UNC13C: variants seen among roughly 807,000 people sequenced by gnomAD.
UNC13C encodes protein unc-13 homolog C.
A neutral mutation model predicts 245.4 loss-of-function variants in UNC13C; 174 were observed. The ratio of observed to expected loss-of-function variants is 0.71; its 90% CI spans 0.63 to 0.80. The LOEUF is 0.80. Among genes scored for constraint, UNC13C ranks in the 30% least tolerant of loss-of-function variants. The pLI, the probability that UNC13C is intolerant of heterozygous loss-of-function variation, is 0.00. For synonymous variants in UNC13C, 992 were observed against 895.1 expected (o/e 1.11, Z -1.93); for missense variants, 2,829 against 2,602.9 (o/e 1.09, Z -1.89).
intron 4 of UNC13C, among the ~76,000 whole-genome samples, chr15:54,172,178 T>C (rs900828241): frequency 6.6e-6 from 1 of 151,954 alleles, no homozygotes; most frequent in African/African-American, 2.4e-5. Context: ...AGGAATAAGA[T>C]GTAGTATTTG....
chr15:54,507,250 A>G (rs1894514852), intron 23 of UNC13C, 56 bp downstream of exon 23: 1 of 1,134,968 alleles, frequency 8.8e-7, no homozygotes, highest in African/African-American at 1.5e-5. Context: ...TTACTTCTTC[A>G]AAGTATGAGT....
At chr15:54,318,714 C>T (rs2038073200) in intron 13 of UNC13C, among the ~76,000 whole-genome samples, 1 of 151,870 alleles carries the variant, frequency 6.6e-6, no homozygotes, top group African/African-American at 2.4e-5. Context: ...GTTATCTCTT[C>T]ACTCTCTTGA....
intron 24 of UNC13C, among the ~76,000 whole-genome samples, chr15:54,520,369 A>G (rs62022400): frequency 0.1 from 15,370 of 152,204 alleles, 1,147 homozygotes; most frequent in African/African-American, 0.19. Flanking sequence ...AATTAAGAAT[A>G]GTAATAAGTT....
intron 19 of UNC13C, among the ~76,000 whole-genome samples, chr15:54,443,654 C>T (rs1341744320): frequency 6.6e-6 from 1 of 151,972 alleles, no homozygotes; most frequent in Non-Finnish European, 1.5e-5. Flanking sequence ...TGGATTGCTT[C>T]ATTGACCCAA....
At position 54,532,694 on chromosome 15, in the gene UNC13C, T is replaced by A. The variant is rs1370463303; in HGVS notation, c.5547-223T>A. Among the ~76,000 whole-genome samples the A allele has an allele frequency of 1.4e-4, 21 of 152,298 alleles. No homozygotes were observed. The East Asian group carries it at 3.9e-3, about 28-fold the overall frequency. On this transcript the variant is annotated intron_variant, in intron 25 of 32. Transcript: ENST00000260323. Reference sequence around the variant, plus strand: ...GGGACTGAATGAACCTCCACTCAAATTAATTCAACCTGAAGAACAGCACTT... The same window carrying A: ...GGGACTGAATGAACCTCCACTCAAAATAATTCAACCTGAAGAACAGCACTT...
chr15:54,196,854 G>A (rs1205066944), intron 4 of UNC13C, among the ~76,000 whole-genome samples: 2 of 152,026 alleles, frequency 1.3e-5, no homozygotes, highest in African/African-American at 4.8e-5. Flanking sequence ...AAAACCTAAA[G>A]GAACAGTCAT....
intron 14 of UNC13C, among the ~76,000 whole-genome samples, chr15:54,326,640 G>A (rs1029847444): frequency 6.6e-6 from 1 of 151,998 alleles, no homozygotes; most frequent in African/African-American, 2.4e-5. Flanking sequence ...AGAGAAGGAG[G>A]GGAGAAGTGG....
rs1389896651 is a variant in UNC13C at position 54,143,761 on chromosome 15, A to T, written c.3071+77A>T. ...CTGTGTTCTCAACATATATGCTTTGAGTGCAAGATGCTGCATGATTAGCTA... is the reference window on the plus strand; with the variant it reads ...CTGTGTTCTCAACATATATGCTTTGTGTGCAAGATGCTGCATGATTAGCTA... On this transcript the variant is annotated intron_variant, in intron 4 of 32. Coordinates refer to ENST00000260323, the MANE Select transcript of UNC13C (RefSeq NM_001080534.3). The T allele has an allele frequency of 3.7e-6, 4 of 1,071,874 alleles. No homozygotes were observed. In the Admixed American group the frequency reaches 7.8e-5, roughly 21 times the overall value. 66.4% of individuals were successfully genotyped at this position (1,071,874 alleles called of 1,614,324 possible). A position where few individuals can be genotyped will look rare whatever the true frequency, so the allele number is the denominator to read the frequency against.
At chr15:54,006,796 G>T (rs1460130766) in intron 1 of UNC13C, among the ~76,000 whole-genome samples, 1 of 152,144 alleles carries the variant, frequency 6.6e-6, no homozygotes, top group Non-Finnish European at 1.5e-5. Context: ...CACGCTATTG[G>T]TGTATCTGGC....
At chr15:53,970,222 G>A in the UNC13C span, among the ~76,000 whole-genome samples, 14 of 151,872 alleles carry the variant, frequency 9.2e-5, no homozygotes, top group Non-Finnish European at 1.2e-4. Flanking sequence ...GGCATGCACC[G>A]CCACTCCTGG....
intron 8 of UNC13C, among the ~76,000 whole-genome samples, chr15:54,251,602 C>T (rs2036154498): frequency 1.3e-5 from 2 of 152,168 alleles, no homozygotes; most frequent in Non-Finnish European, 2.9e-5. Flanking sequence ...GTAAAATACA[C>T]ATAATTGACT....
intron 4 of UNC13C, among the ~76,000 whole-genome samples, chr15:54,214,471 T>C (rs1216641515): frequency 6.6e-6 from 1 of 151,868 alleles, no homozygotes; most frequent in Non-Finnish European, 1.5e-5. Context: ...TGTCTAATAA[T>C]AAGAGGGGTG....
At chr15:53,933,442 A>G in the UNC13C span, among the ~76,000 whole-genome samples, 1 of 152,198 alleles carries the variant, frequency 6.6e-6, no homozygotes, top group South Asian at 2.1e-4. Context: ...TGGTATTACT[A>G]TAATGTGGTT....
intron 1 of UNC13C, among the ~76,000 whole-genome samples, chr15:54,001,779 C>T (rs533986506): frequency 2.6e-5 from 4 of 152,216 alleles, no homozygotes; most frequent in South Asian, 4.1e-4. Context: ...CAAAGTGCTC[C>T]GTGGGGACAC....
At chr15:54,265,256 A>C in intron 9 of UNC13C, 99 bp from the exon 10 acceptor site, 14 of 1,023,254 alleles carry the variant, frequency 1.4e-5, no homozygotes, top group Non-Finnish European at 1.8e-5. Context: ...TGCATCTATA[A>C]GCCCAAAGAA....
At chr15:53,977,736 C>T (rs1893756300), upstream of UNC13C, among the ~76,000 whole-genome samples, 1 of 152,110 alleles carries the variant, frequency 6.6e-6, no homozygotes, top group Non-Finnish European at 1.5e-5. Flanking sequence ...TGTTACTCCC[C>T]CCACCTCCTC....
Position 54,627,379 on chromosome 15 carries a change from CACATTCATT to C in UNC13C, c.*268_*276del. 3.6e-6 allele frequency: 1 copy of C among 278,826 alleles called. No individual in the cohort carries two copies. Among genetic ancestry groups the C allele is most frequent in the Middle Eastern group, 1.1e-3 (1 of 908 alleles). The allele number at this position is 278,826 out of a possible 1,614,324, so 17.3% of individuals were successfully genotyped here. A position where few individuals can be genotyped will look rare whatever the true frequency, so the allele number is the denominator to read the frequency against. On this transcript the variant is annotated 3_prime_UTR_variant, in exon 33 of 33. Coordinates refer to ENST00000260323, the MANE Select transcript of UNC13C (RefSeq NM_001080534.3). Reference sequence around the variant, plus strand: ...GTTTATTTTGTTTCTTTACCCATTTCACATTCATTAAACATAATTTTTAAAAACTAGTCT... The same window carrying C: ...GTTTATTTTGTTTCTTTACCCATTTCAAACATAATTTTTAAAAACTAGTCT...
At chr15:54,189,805 C>A (rs371311270) in intron 4 of UNC13C, among the ~76,000 whole-genome samples, 1 of 152,038 alleles carries the variant, frequency 6.6e-6, no homozygotes, top group Non-Finnish European at 1.5e-5. Context: ...ATGCCACAAA[C>A]AGCTGCTTGA....
At chr15:54,570,263 C>T (rs1333407138) in intron 30 of UNC13C, among the ~76,000 whole-genome samples, 1 of 152,174 alleles carries the variant, frequency 6.6e-6, no homozygotes, top group Non-Finnish European at 1.5e-5. Flanking sequence ...CTTGAAAATC[C>T]ATTCCTTGTG....
Sources: allele counts gnomAD v4.1 joint callset (sites outside exome capture counted in the v4.1 genomes callset), GRCh38; gene constraint gnomAD v4.1.1; transcripts MANE v1.5; gene names NCBI Gene and HGNC (gene_info 2026-07-23, HGNC 2026-07-21).